The following FUT8 variants were observed in gnomAD, a reference collection of about 807,000 sequenced individuals.
The protein encoded by FUT8 is fucosyltransferase 8.
Under a neutral mutation model 71.3 loss-of-function variants are expected in FUT8, and 29 were observed. The ratio of observed to expected loss-of-function variants is 0.41; its 90% CI spans 0.30 to 0.55. The LOEUF (loss-of-function observed/expected upper bound fraction) is 0.55. Among genes scored for constraint, FUT8 ranks in the 20% least tolerant of loss-of-function variants. The pLI is 0.34. For synonymous variants in FUT8, 254 were observed against 239.3 expected, an observed-to-expected ratio of 1.06 and a Z score of -0.57; for missense variants, 544 against 702.1, an observed-to-expected ratio of 0.77 and a Z score of 2.55.
At chr14:65,727,189 T>C (rs1007048870) in intron 9 of FUT8, among the ~76,000 whole-genome samples, 1 of 151,896 alleles carries the variant, frequency 6.6e-6, no homozygotes, top group African/African-American at 2.4e-5. Context: ...CATTCTGGAG[T>C]CTGGAGGATG....
intron 3 of FUT8, among the ~76,000 whole-genome samples, chr14:65,605,759 A>G (rs1158008350): frequency 2.7e-5 from 4 of 150,650 alleles, no homozygotes; most frequent in South Asian, 2.1e-4. Flanking sequence ...CTGCATCCTT[A>G]TCTCACTCAG....
intron 2 of FUT8, among the ~76,000 whole-genome samples, chr14:65,460,732 G>A (rs1005381846): frequency 6.6e-6 from 1 of 151,978 alleles, no homozygotes; most frequent in Non-Finnish European, 1.5e-5. Flanking sequence ...GGGTCTTAGA[G>A]AGGTCAAAAT....
At chr14:65,412,651 A>C (rs1196777796), upstream of FUT8, 2 of 223,258 alleles carry the variant, frequency 9.0e-6, no homozygotes, top group African/African-American at 4.8e-5. Flanking sequence ...GGCACATGCC[A>C]GGGTCGCCGT....
At chr14:65,464,628 AT>A (rs61069746) in intron 2 of FUT8, among the ~76,000 whole-genome samples, 181 of 149,954 alleles carry the variant, frequency 1.2e-3, no homozygotes, top group African/African-American at 3.9e-3. Context: ...TGATTGTATG[AT>A]TTTTTTTTTC....
intron 7 of FUT8, among the ~76,000 whole-genome samples, chr14:65,703,426 A>G (rs947230413): frequency 6.6e-6 from 1 of 152,148 alleles, no homozygotes; most frequent in African/African-American, 2.4e-5. Context: ...AAATATAGCC[A>G]TTTTTTTGAG....
intron 2 of FUT8, among the ~76,000 whole-genome samples, chr14:65,486,611 T>C (rs2066412801): frequency 6.6e-6 from 1 of 152,236 alleles, no homozygotes; most frequent in Admixed American, 6.5e-5. Context: ...TTCTTATAGA[T>C]GGTAGCTGGA....
At position 65,489,635 on chromosome 14, in the gene FUT8, G is replaced by T. The variant is rs977506359; in HGVS notation, c.-228+33917G>T. On this transcript the variant is annotated intron_variant, in intron 2 of 10. Transcript: ENST00000673929. The surrounding 1 kb of genome is among the most constrained non-coding windows in gnomAD (Gnocchi z 4.0). ...CATATTTAAAATATAACATAAAAATGAGTCTTAAAATATGTATAGCTTCAT... is the reference window on the plus strand; with the variant it reads ...CATATTTAAAATATAACATAAAAATTAGTCTTAAAATATGTATAGCTTCAT... 6.6e-6 allele frequency among the ~76,000 whole-genome samples: 1 copy of T among 152,086 alleles called. No homozygotes were observed. Among genetic ancestry groups the T allele is most frequent in the African/African-American group, 2.4e-5 (1 of 41,422 alleles).
In FUT8 at chr14:65,539,403, G is replaced by T. The variant is rs185207056; in HGVS notation, c.-227-21934G>T. Among the ~76,000 whole-genome samples the T allele has an allele frequency of 3.9e-5, 6 of 152,254 alleles. No individual in the cohort carries two copies. In the East Asian group the frequency reaches 9.6e-4, roughly 24 times the overall value. ...CATTAAATAAATCTTTGCTCTTCCT[G>T]GTTTTGTGATCTTAGGCAAATTAAT... On this transcript the variant is annotated intron_variant, in intron 2 of 10. Coordinates refer to ENST00000673929, the MANE Select transcript of FUT8 (RefSeq NM_001371533.1).
chr14:65,431,054 G>T (rs1384533545), intron 1 of FUT8, among the ~76,000 whole-genome samples: 2 of 147,380 alleles, frequency 1.4e-5, no homozygotes, highest in African/African-American at 5.1e-5. Flanking sequence ...GGAGTGCAGT[G>T]GCGCGATCTC....
chr14:65,679,142 T>C (rs1395113168), intron 7 of FUT8, among the ~76,000 whole-genome samples: 1 of 152,230 alleles, frequency 6.6e-6, no homozygotes, highest in Non-Finnish European at 1.5e-5. Context: ...CTGCCCATCT[T>C]GCTGTGTTCA....
chr14:65,693,387 A>G (rs1457525877), intron 7 of FUT8, among the ~76,000 whole-genome samples: 2 of 152,202 alleles, frequency 1.3e-5, no homozygotes, highest in Non-Finnish European at 2.9e-5. Context: ...CGCGCCTGCA[A>G]TCGCAGGCAC....
At chr14:65,730,957 C>T (rs1468787345) in intron 9 of FUT8, among the ~76,000 whole-genome samples, 1 of 152,130 alleles carries the variant, frequency 6.6e-6, no homozygotes, top group African/African-American at 2.4e-5. Flanking sequence ...TTTTAAAATG[C>T]TGAATGAGTT....
At chr14:65,383,265 C>CTTTTTTTTCTTTTTTTTTT in the FUT8 span, among the ~76,000 whole-genome samples, 20 of 86,510 alleles carry the variant, frequency 2.3e-4, no homozygotes, top group South Asian at 9.1e-4. Flanking sequence ...TTTTTCTTTT[C>CTTTTTTTTCTTTTTTTTTT]TTTTTTTTTT....
chr14:65,738,548 A>T (rs1409285946), intron 10 of FUT8, among the ~76,000 whole-genome samples: 1 of 152,134 alleles, frequency 6.6e-6, no homozygotes, highest in Non-Finnish European at 1.5e-5. Flanking sequence ...AAAGTTAAAC[A>T]TACTACATGT....
chr14:65,431,299 C>CTTTTT (rs138985726), intron 1 of FUT8, among the ~76,000 whole-genome samples: 1 of 98,832 alleles, frequency 1.0e-5, no homozygotes, highest in African/African-American at 4.0e-5. Context: ...CTGCGCCGGC[C>CTTTTT]TTTTTTTTTT....
chr14:65,639,109 AT>A (rs1566868370), intron 6 of FUT8, among the ~76,000 whole-genome samples: 1 of 152,116 alleles, frequency 6.6e-6, no homozygotes, highest in Non-Finnish European at 1.5e-5. Flanking sequence ...AAAAAAAAAA[AT>A]GAACAACTTG....
intron 3 of FUT8, among the ~76,000 whole-genome samples, chr14:65,612,073 T>G (rs971128311): frequency 1.3e-5 from 2 of 152,236 alleles, no homozygotes; most frequent in Non-Finnish European, 2.9e-5. Flanking sequence ...TGTGTCAGTT[T>G]TGAGTTGGTT....
intron 2 of FUT8, among the ~76,000 whole-genome samples, chr14:65,556,834 T>C (rs987867705): frequency 9.2e-5 from 14 of 152,230 alleles, no homozygotes; most frequent in Non-Finnish European, 2.9e-5. Context: ...GCCTCACCAC[T>C]GATGATTATT....
chr14:65,606,218 G>A (rs1044570155), intron 3 of FUT8, among the ~76,000 whole-genome samples: 3 of 150,580 alleles, frequency 2.0e-5, no homozygotes, highest in East Asian at 3.9e-4. Flanking sequence ...GACTACAGGC[G>A]CCTGCCACCA....
Sources: allele counts gnomAD v4.1 joint callset (sites outside exome capture counted in the v4.1 genomes callset), GRCh38; gene constraint gnomAD v4.1.1; non-coding constraint Gnocchi (gnomAD v3.1); transcripts MANE v1.5; gene names NCBI Gene and HGNC (gene_info 2026-07-23, HGNC 2026-07-21).